TPGS2: variants seen among roughly 807,000 people sequenced by gnomAD.
The protein encoded by TPGS2 is polyglutamylase subunit 2.
A neutral mutation model predicts 31.1 loss-of-function variants in TPGS2; 26 were observed. That is an observed-to-expected ratio of 0.84 (90% CI 0.61 to 1.16). TPGS2 has a LOEUF of 1.16. TPGS2 is among the 50% of genes most tolerant of loss of function. TPGS2 has a pLI of 0.00. For synonymous variants in TPGS2, 130 were observed against 136.6 expected (o/e 0.95, Z 0.34); for missense variants, 351 against 363.8 (o/e 0.96, Z 0.29).
chr18:36,807,542 T>G, intron 3 of TPGS2: 1 of 362,234 alleles, frequency 2.8e-6, no homozygotes, highest in Non-Finnish European at 4.9e-6. Flanking sequence ...CTCTGAGGCT[T>G]TAAGTTTGAG....
At chr18:36,808,018 T>C (rs1473193155) in intron 2 of TPGS2, 84 bp from the exon 3 acceptor site, 1 of 1,286,048 alleles carries the variant, frequency 7.8e-7, no homozygotes, top group African/African-American at 1.5e-5. Flanking sequence ...GGGACACGTT[T>C]AGCATGTTAT....
intron 1 of TPGS2, among the ~76,000 whole-genome samples, chr18:36,823,053 G>T (rs1395361144): frequency 1.3e-5 from 2 of 152,082 alleles, no homozygotes; most frequent in Non-Finnish European, 2.9e-5. Context: ...GTTTTATATT[G>T]CTGAGTAATA....
In TPGS2 at chr18:36,796,558, C is replaced by A; in HGVS notation, c.*247G>T. ...GTTGAAGAAGAGGAAAGCACTCAGA[C>A]TTATTTGGGCACTTACACAAGATTC... On this transcript the variant is annotated 3_prime_UTR_variant, in exon 7 of 7. Coordinates refer to ENST00000334295, the MANE Select transcript of TPGS2 (RefSeq NM_015476.4). 2 of 1,301,526 alleles carry A rather than the reference C, an allele frequency of 1.5e-6. No individual in the cohort carries two copies. The highest frequency in any genetic ancestry group is 1.9e-6 in the Non-Finnish European group (2 of 1,030,628). The allele number at this position is 1,301,526 out of a possible 1,614,324, so 80.6% of individuals were successfully genotyped here.
chr18:36,812,596 C>A (rs1331037588), intron 2 of TPGS2, among the ~76,000 whole-genome samples: 1 of 152,160 alleles, frequency 6.6e-6, no homozygotes, highest in African/African-American at 2.4e-5. Flanking sequence ...TTGTAATAAA[C>A]CTGTAAATGT....
At chr18:36,781,470 G>T (rs1376484860), downstream of TPGS2, among the ~76,000 whole-genome samples, 1 of 152,120 alleles carries the variant, frequency 6.6e-6, no homozygotes, top group Non-Finnish European at 1.5e-5. Flanking sequence ...TGGCCAACAT[G>T]GTGAAACCCT....
downstream of TPGS2, chr18:36,789,109 T>C (rs2044221967): frequency 6.6e-6 from 1 of 152,096 alleles, no homozygotes; most frequent in Non-Finnish European, 1.5e-5. Context: ...GCAGCTAAAA[T>C]GGGTAGCAGC....
intron 6 of TPGS2, chr18:36,798,244 T>C: frequency 1.4e-6 from 2 of 1,397,106 alleles, no homozygotes; most frequent in South Asian, 3.5e-5. Context: ...TGAGAATCAG[T>C]CAAGTTTGGG....
intron 3 of TPGS2, among the ~76,000 whole-genome samples, chr18:36,807,330 G>T (rs1374279940): frequency 6.6e-6 from 1 of 152,196 alleles, no homozygotes; most frequent in Non-Finnish European, 1.5e-5. Flanking sequence ...AAAGATGGCA[G>T]CCTGTGAATT....
chr18:36,796,739 C>T lies in TPGS2; in HGVS notation c.*66G>A. The T allele has an allele frequency of 6.4e-7, 1 of 1,560,546 alleles. No individual in the cohort carries two copies. On this transcript the variant is annotated 3_prime_UTR_variant, in exon 7 of 7. Transcript: ENST00000334295. The stretch of plus-strand genomic sequence containing the variant: ...GTCCACACGCAAAACTGGAGGTCAC[C>T]CCTAGGGCCATCTGTGCATGGAAAC...
At chr18:36,804,178 C>A (rs2044988423) in intron 4 of TPGS2, among the ~76,000 whole-genome samples, 1 of 152,102 alleles carries the variant, frequency 6.6e-6, no homozygotes, top group Admixed American at 6.6e-5. Context: ...CTGCTGAGTC[C>A]CCTGACAGAA....
At chr18:36,792,448 T>A (rs1265923360), downstream of TPGS2, among the ~76,000 whole-genome samples, 1 of 152,234 alleles carries the variant, frequency 6.6e-6, no homozygotes, top group Admixed American at 6.5e-5. Context: ...CACGCATTTA[T>A]GCTGAAACTA....
At chr18:36,793,267 C>T (rs182415740), downstream of TPGS2, among the ~76,000 whole-genome samples, 190 of 152,308 alleles carry the variant, frequency 1.2e-3, no homozygotes, top group African/African-American at 3.9e-3. Context: ...CCTTACCGCC[C>T]CATTCACATG....
rs185522763 is a variant in TPGS2 at position 36,784,784 on chromosome 18, A to G, written c.658-1653T>C. ...CCAATGACAGAAGATAAGACGTGATATATACTGGCTTGTCTCACTAGTTCC... is the reference window on the plus strand; with the variant it reads ...CCAATGACAGAAGATAAGACGTGATGTATACTGGCTTGTCTCACTAGTTCC... On this transcript the variant is annotated intron_variant, in intron 6 of 6. Coordinates refer to the TPGS2 transcript ENST00000587129. Among the ~76,000 whole-genome samples, 36 of 152,358 alleles carry G rather than the reference A, an allele frequency of 2.4e-4. No homozygotes were observed. The East Asian group carries it at 6.7e-3, about 29-fold the overall frequency.
chr18:36,803,175 A>G (rs1483351766), intron 4 of TPGS2, among the ~76,000 whole-genome samples: 1 of 152,158 alleles, frequency 6.6e-6, no homozygotes, highest in Non-Finnish European at 1.5e-5. Flanking sequence ...TGAAATATAC[A>G]TTATTAGCTA....
At chr18:36,812,642 T>C (rs2045482063) in intron 2 of TPGS2, among the ~76,000 whole-genome samples, 1 of 152,308 alleles carries the variant, frequency 6.6e-6, no homozygotes, top group African/African-American at 2.4e-5. Context: ...TGAGCCACTC[T>C]AGCAAATTAA....
Position 36,796,109 on chromosome 18 carries a change from AATG to A in TPGS2, c.*693_*695del. 1.0e-6 allele frequency: 1 copy of A among 985,466 alleles called. No individual in the cohort carries two copies. Among genetic ancestry groups the A allele is most frequent in the Non-Finnish European group, 1.2e-6 (1 of 829,944 alleles). The allele number at this position is 985,466 out of a possible 1,614,324, so 61.0% of individuals were successfully genotyped here. ...AAACTTTATAGGAAGCTGCAAAAGA[AATG>A]AGCAGAGCGAGATATTTGTGGTAAG... On this transcript the variant is annotated 3_prime_UTR_variant, in exon 7 of 7. Coordinates refer to ENST00000334295, the MANE Select transcript of TPGS2 (RefSeq NM_015476.4).
At position 36,806,842 on chromosome 18, in the gene TPGS2, C is replaced by T. The variant is rs578212629; in HGVS notation, c.253+1005G>A. ...CTCCAGCTTGGGCAACAGAGTGAGA[C>T]TCCATCTTAAAAAAAAAAAAAAAAA... On this transcript the variant is annotated intron_variant, in intron 3 of 6. Transcript: ENST00000334295. 3.7e-5 allele frequency among the ~76,000 whole-genome samples: 4 copies of T among 107,972 alleles called. No individual in the cohort carries two copies. In the South Asian group the frequency reaches 1.3e-3, roughly 35 times the overall value. The allele number at this position is 107,972 out of a possible 152,430, so 70.8% of individuals were successfully genotyped here.
At chr18:36,805,323 G>A (rs2045060990) in intron 4 of TPGS2, 51 bp downstream of exon 4, 2 of 1,600,016 alleles carry the variant, frequency 1.2e-6, no homozygotes, top group Non-Finnish European at 1.7e-6. Flanking sequence ...TATGCGCCAG[G>A]CATGGAGCTG....
chr18:36,781,815 T>C (rs1270966241), downstream of TPGS2: 1 of 985,346 alleles, frequency 1.0e-6, no homozygotes, highest in Non-Finnish European at 1.2e-6. Context: ...AGGGAGCTTG[T>C]TGAAGCAGAC....
Sources: allele counts gnomAD v4.1 joint callset (sites outside exome capture counted in the v4.1 genomes callset), GRCh38; gene constraint gnomAD v4.1.1; transcripts MANE v1.5; gene names NCBI Gene and HGNC (gene_info 2026-07-23, HGNC 2026-07-21).